SLC8A1: variants seen among roughly 807,000 people sequenced by gnomAD.
SLC8A1 encodes the protein solute carrier family 8 member A1, also known as sodium/calcium exchanger 1.
Under a neutral mutation model 68.3 loss-of-function variants are expected in SLC8A1, and 18 were observed. The ratio of observed to expected loss-of-function variants is 0.26; its 90% confidence interval spans 0.18 to 0.39. The LOEUF is 0.39. Ranked by LOEUF, SLC8A1 falls within the 10% of genes least tolerant of loss-of-function variation. The pLI, the probability that SLC8A1 is intolerant of heterozygous loss-of-function variation, is 1.00. For synonymous variants in SLC8A1, 475 were observed against 415.5 expected (o/e 1.14, Z -1.74); for missense variants, 985 against 1,156.7 (o/e 0.85, Z 2.15).
At chr2:40,315,859 C>T (rs2074376314) in intron 2 of SLC8A1, among the ~76,000 whole-genome samples, 1 of 151,990 alleles carries the variant, frequency 6.6e-6, no homozygotes, top group Non-Finnish European at 1.5e-5. Context: ...GGGGAAAATA[C>T]TCAAAAGCTT....
intron 2 of SLC8A1, among the ~76,000 whole-genome samples, chr2:40,253,624 G>A (rs1244129097): frequency 2.0e-5 from 3 of 151,944 alleles, no homozygotes; most frequent in South Asian, 2.1e-4. Flanking sequence ...TCAGGAGTTC[G>A]AGGCCAGCCT....
chr2:40,455,144 A>G (rs1702926177), upstream of SLC8A1, among the ~76,000 whole-genome samples: 1 of 152,178 alleles, frequency 6.6e-6, no homozygotes, highest in African/African-American at 2.4e-5. Context: ...ATGTTCACAA[A>G]CTATTTCCTA....
intron 4 of SLC8A1, among the ~76,000 whole-genome samples, chr2:40,172,369 T>G (rs1230248591): frequency 2.0e-5 from 3 of 152,140 alleles, no homozygotes; most frequent in African/African-American, 7.2e-5. Context: ...TTTCAAGTCT[T>G]AGGAAGAGGT....
chr2:40,111,334 G>T (rs529955757), exon 8 of SLC8A1: 4 of 152,106 alleles, frequency 2.6e-5, no homozygotes, highest in Non-Finnish European at 4.4e-5. Flanking sequence ...AAGAAATAGA[G>T]GTTGGCTGCT....
exon 8 of SLC8A1, chr2:40,103,056 C>G (rs1398819883): frequency 6.6e-6 from 1 of 152,078 alleles, no homozygotes; most frequent in African/African-American, 2.4e-5. Flanking sequence ...TTACCTTTCC[C>G]CCTGACAAAT....
chr2:40,491,997 A>G (rs1471998173), intron 1 of SLC8A1, among the ~76,000 whole-genome samples: 2 of 152,142 alleles, frequency 1.3e-5, no homozygotes, highest in Non-Finnish European at 2.9e-5. Context: ...AAACTACTTT[A>G]AAGTTCATAT....
At chr2:40,191,842 T>C (rs2051919328) in intron 2 of SLC8A1, among the ~76,000 whole-genome samples, 1 of 152,170 alleles carries the variant, frequency 6.6e-6, no homozygotes. Context: ...ATTTCAGCTT[T>C]TGACCCAGAC....
intron 2 of SLC8A1, among the ~76,000 whole-genome samples, chr2:40,316,052 T>C (rs1353083728): frequency 6.6e-6 from 1 of 152,088 alleles, no homozygotes; most frequent in African/African-American, 2.4e-5. Flanking sequence ...TATGAAAGTC[T>C]TTTGTTCCCC....
At chr2:40,230,638 A>T (rs2059535403) in intron 2 of SLC8A1, among the ~76,000 whole-genome samples, 1 of 152,234 alleles carries the variant, frequency 6.6e-6, no homozygotes, top group Admixed American at 6.5e-5. Context: ...CTTTAAAATT[A>T]TAATTAATTA....
intron 2 of SLC8A1, among the ~76,000 whole-genome samples, chr2:40,326,037 T>C (rs1305996602): frequency 6.6e-6 from 1 of 152,074 alleles, no homozygotes; most frequent in Non-Finnish European, 1.5e-5. Flanking sequence ...CTGAGCTGAC[T>C]GACAAGCAGA....
At chr2:40,402,921 T>A (rs1012024908) in intron 2 of SLC8A1, among the ~76,000 whole-genome samples, 1 of 152,186 alleles carries the variant, frequency 6.6e-6, no homozygotes, top group Non-Finnish European at 1.5e-5. Flanking sequence ...TGCCATTTGA[T>A]TTTTTATTTG....
intron 7 of SLC8A1, among the ~76,000 whole-genome samples, chr2:40,122,371 AAC>A (rs2037106667): frequency 1.3e-5 from 2 of 152,288 alleles, no homozygotes; most frequent in East Asian, 1.9e-4. Flanking sequence ...GAAAAAAGGA[AAC>A]ACACTGAAAA....
At chr2:40,361,923 CAG>C (rs1674758298) in intron 2 of SLC8A1, among the ~76,000 whole-genome samples, 1 of 61,858 alleles carries the variant, frequency 1.6e-5, no homozygotes, top group Non-Finnish European at 2.8e-5. Flanking sequence ...TTTTTGGAGA[CAG>C]AGTCTTGCTC....
At position 40,439,363 on chromosome 2, in the gene SLC8A1, T is replaced by C. The variant is rs562955974; in HGVS notation, c.-24-9059A>G. ...TAGAGGTAGAAAACATGCAGAAACA[T>C]GAACCCCAAAATGAAGTACTGGGTG... is the stretch of plus-strand genomic sequence containing the variant. On this transcript the variant is annotated intron_variant, in intron 1 of 7. Transcript: ENST00000406785. 3.9e-5 allele frequency among the ~76,000 whole-genome samples: 6 copies of C among 152,212 alleles called. No homozygotes were observed. The South Asian group carries it at 1.2e-3, about 32-fold the overall frequency.
At chr2:40,181,027 T>G (rs772124978) in intron 2 of SLC8A1, among the ~76,000 whole-genome samples, 49 of 151,996 alleles carry the variant, frequency 3.2e-4, no homozygotes, top group Non-Finnish European at 6.5e-4. Context: ...TGGTGTGATC[T>G]CGGCTTACTG....
intron 2 of SLC8A1, among the ~76,000 whole-genome samples, chr2:40,363,986 A>C (rs1047772253): frequency 2.0e-5 from 3 of 152,058 alleles, no homozygotes; most frequent in Non-Finnish European, 4.4e-5. Context: ...AGTAGTCTAA[A>C]AAAAGGGCTA....
At chr2:40,463,179 A>G (rs1380478561) in intron 1 of SLC8A1, among the ~76,000 whole-genome samples, 1 of 152,186 alleles carries the variant, frequency 6.6e-6, no homozygotes, top group Non-Finnish European at 1.5e-5. Flanking sequence ...TAAAGCTCCA[A>G]AAGGTAAATA....
intron 6 of SLC8A1, among the ~76,000 whole-genome samples, chr2:40,155,989 A>AATC (rs1180023120): frequency 6.6e-6 from 1 of 152,206 alleles, no homozygotes. Flanking sequence ...GGCACTTCTG[A>AATC]ATCATCATCT....
intron 2 of SLC8A1, among the ~76,000 whole-genome samples, chr2:40,252,230 T>G (rs2062872827): frequency 6.6e-6 from 1 of 152,198 alleles, no homozygotes; most frequent in Non-Finnish European, 1.5e-5. Context: ...GTTTATTCTT[T>G]TACAGAGTTT....
Sources: allele counts gnomAD v4.1 joint callset (sites outside exome capture counted in the v4.1 genomes callset), GRCh38; gene constraint gnomAD v4.1.1; transcripts MANE v1.5; gene names NCBI Gene and HGNC (gene_info 2026-07-23, HGNC 2026-07-21).